The following TRIM2 variants were observed in gnomAD, a reference collection of about 807,000 sequenced individuals.
TRIM2 encodes tripartite motif-containing protein 2.
In TRIM2, 20 loss-of-function variants were observed where a neutral mutation model predicts 75.2. That is an observed-to-expected ratio of 0.27 (90% CI 0.19 to 0.39). TRIM2 has a LOEUF of 0.39. Ranked by LOEUF, TRIM2 falls within the 10% of genes least tolerant of loss-of-function variation. The pLI is 1.00. For missense variants in TRIM2, 660 were observed against 990.8 expected (o/e 0.67, Z 4.48); for synonymous variants, 373 against 388.3 (o/e 0.96, Z 0.46).
intron 1 of TRIM2, among the ~76,000 whole-genome samples, chr4:153,169,166 A>C (rs1443378252): frequency 6.6e-6 from 1 of 152,208 alleles, no homozygotes; most frequent in Non-Finnish European, 1.5e-5. Flanking sequence ...TAAGAGTTTC[A>C]TTTGATTAAA....
chr4:153,315,225 C>G (rs764684228), intron 6 of TRIM2, among the ~76,000 whole-genome samples: 1 of 152,194 alleles, frequency 6.6e-6, no homozygotes, highest in Non-Finnish European at 1.5e-5. Flanking sequence ...ATATTTTAAA[C>G]ATGTTAATAT....
At chr4:153,284,359 C>T (rs896911988) in intron 3 of TRIM2, among the ~76,000 whole-genome samples, 27 of 151,800 alleles carry the variant, frequency 1.8e-4, no homozygotes, top group African/African-American at 6.3e-4. Context: ...CACCACCATG[C>T]CTGGCTAATT....
chr4:153,321,545 A>C (rs1467797365), intron 8 of TRIM2, among the ~76,000 whole-genome samples: 1 of 152,206 alleles, frequency 6.6e-6, no homozygotes, highest in East Asian at 1.9e-4. Context: ...ATATGATAAA[A>C]AGTGGAGCCA....
chr4:153,230,909 G>C (rs559117742), intron 1 of TRIM2, among the ~76,000 whole-genome samples: 50 of 152,292 alleles, frequency 3.3e-4, no homozygotes, highest in Non-Finnish European at 5.7e-4. Flanking sequence ...TTTGAGCAAG[G>C]CTTTACTGTT....
rs890136651 is a variant in TRIM2 at position 153,259,602 on chromosome 4, A to G, written c.31-10733A>G. The stretch of plus-strand genomic sequence containing the variant: ...TTTTTCTTCAAAAAATATGACTTCA[A>G]TTACTTTTTACTATGGCAAAATGAT... On this transcript the variant is annotated intron_variant, in intron 1 of 11. Coordinates refer to ENST00000338700, the MANE Select transcript of TRIM2 (RefSeq NM_015271.5). Among the ~76,000 whole-genome samples the G allele has an allele frequency of 2.0e-5, 3 of 152,188 alleles. 1 individual carries two copies. Among genetic ancestry groups the G allele is most frequent in the African/African-American group, 7.2e-5 (3 of 41,452 alleles).
At chr4:153,266,798 A>T (rs1304850088) in intron 1 of TRIM2, 1 of 151,926 alleles carries the variant, frequency 6.6e-6, no homozygotes, top group Non-Finnish European at 1.5e-5. Flanking sequence ...TTTAAAAATC[A>T]TATCTTTAAT....
intron 1 of TRIM2, among the ~76,000 whole-genome samples, chr4:153,251,342 T>C (rs887469098): frequency 2.0e-5 from 3 of 152,228 alleles, no homozygotes; most frequent in Non-Finnish European, 4.4e-5. Flanking sequence ...CAGAAGGAGC[T>C]TGGCTTTGAG....
At chr4:153,280,021 C>T (rs1169122461) in intron 3 of TRIM2, among the ~76,000 whole-genome samples, 1 of 151,654 alleles carries the variant, frequency 6.6e-6, no homozygotes, top group Non-Finnish European at 1.5e-5. Flanking sequence ...CAGCAATGAG[C>T]TGTGATCGTG....
chr4:153,236,229 G>A (rs999388356), intron 1 of TRIM2, among the ~76,000 whole-genome samples: 7 of 151,962 alleles, frequency 4.6e-5, no homozygotes, highest in East Asian at 1.9e-4. Context: ...ACCCAGTGTC[G>A]GGTATTTCTT....
chr4:153,296,041 G>A lies in TRIM2; in HGVS notation c.1510+5G>A, dbSNP rs762170426. ...ACGATTTGATCTTTCGAGTGGGTAA[G>A]GAGAGGGCTTCTGTGCCCGACGCCT... On this transcript the variant is annotated splice_donor_5th_base_variant and intron_variant, in intron 6 of 11. Coordinates refer to ENST00000338700, the MANE Select transcript of TRIM2 (RefSeq NM_015271.5). 1 of 1,517,738 alleles carries A rather than the reference G, an allele frequency of 6.6e-7. No individual in the cohort carries two copies. 94.0% of individuals were successfully genotyped at this position (1,517,738 alleles called of 1,614,324 possible).
At chr4:153,263,556 A>T (rs1440630065) in intron 1 of TRIM2, among the ~76,000 whole-genome samples, 3 of 152,238 alleles carry the variant, frequency 2.0e-5, no homozygotes, top group African/African-American at 7.2e-5. Context: ...TGCTGGAACT[A>T]CTGCAGTGAA....
intron 6 of TRIM2, among the ~76,000 whole-genome samples, chr4:153,308,905 C>T (rs1471292753): frequency 1.3e-5 from 2 of 152,098 alleles, no homozygotes; most frequent in African/African-American, 4.8e-5. Context: ...GGAGGGAGGT[C>T]GTGCTAAGTT....
At chr4:153,219,064 A>C (rs1739268370) in intron 1 of TRIM2, among the ~76,000 whole-genome samples, 1 of 151,816 alleles carries the variant, frequency 6.6e-6, no homozygotes, top group African/African-American at 2.4e-5. Flanking sequence ...TAGTCATCCA[A>C]CTCCTTACTA....
intron 1 of TRIM2, among the ~76,000 whole-genome samples, chr4:153,232,848 A>G (rs12644284): frequency 0.18 from 27,854 of 152,086 alleles, 3,222 homozygotes; most frequent in Non-Finnish European, 0.27. Flanking sequence ...CTGGGAGAGA[A>G]GCTCCAGTGA....
intron 1 of TRIM2, among the ~76,000 whole-genome samples, chr4:153,189,468 C>T (rs1732958643): frequency 6.6e-6 from 1 of 152,190 alleles, no homozygotes; most frequent in South Asian, 2.1e-4. Flanking sequence ...AGGTGACCTG[C>T]TGTGGTCGCA....
intron 1 of TRIM2, among the ~76,000 whole-genome samples, chr4:153,191,417 G>A (rs556890472): frequency 1.3e-5 from 2 of 152,376 alleles, no homozygotes; most frequent in Admixed American, 1.3e-4. Flanking sequence ...TGGAGAAAGA[G>A]ATAACACTTT....
chr4:153,272,209 C>T lies in TRIM2; in HGVS notation c.215+1690C>T, dbSNP rs147403019. 6.5e-3 allele frequency among the ~76,000 whole-genome samples: 992 copies of T among 152,156 alleles called. 11 individuals are homozygous for T. Among genetic ancestry groups the T allele is most frequent in the African/African-American group, 0.022 (927 of 41,488 alleles). ...TGTTGCCCAGGCTGGAGTGCAGTGG[C>T]GCAAACTCAGCTCACTGCAAGCTCT... is the stretch of plus-strand genomic sequence containing the variant. On this transcript the variant is annotated intron_variant, in intron 2 of 11. Transcript: ENST00000338700.
At chr4:153,259,779 G>T (rs1752950156) in intron 1 of TRIM2, among the ~76,000 whole-genome samples, 1 of 152,092 alleles carries the variant, frequency 6.6e-6, no homozygotes, top group Non-Finnish European at 1.5e-5. Context: ...TTGTGCAGAT[G>T]GTCTGAATTT....
chr4:153,317,341 A>C (rs1767881809), intron 8 of TRIM2, among the ~76,000 whole-genome samples: 1 of 151,560 alleles, frequency 6.6e-6, no homozygotes, highest in South Asian at 2.1e-4. Flanking sequence ...TTGTTTTTAA[A>C]ATTTTGATTT....
Sources: gnomAD v4.1 joint callset for allele counts (sites outside exome capture counted in the v4.1 genomes callset) on GRCh38, gnomAD v4.1.1 for gene constraint, MANE v1.5 for transcripts, NCBI Gene and HGNC (gene_info 2026-07-23, HGNC 2026-07-21) for gene names.